Variants in SUPT3H observed in about 807,000 individuals in gnomAD.
SUPT3H encodes the protein SPT3 homolog, SAGA and STAGA complex component, also known as transcription initiation protein SPT3 homolog.
SUPT3H carries 44 observed loss-of-function variants against 44.3 expected under a neutral mutation model. The observed-to-expected ratio is 0.99, with a 90% CI of 0.78 to 1.28. SUPT3H has a LOEUF of 1.28. SUPT3H is among the 50% of genes most tolerant of loss of function. SUPT3H has a pLI of 0.00. For synonymous variants in SUPT3H, 124 were observed against 125.6 expected, an observed-to-expected ratio of 0.99 and a Z score of 0.09; for missense variants, 380 against 387.1, an observed-to-expected ratio of 0.98 and a Z score of 0.15.
chr6:45,283,431 C>T (rs183850886), intron 2 of SUPT3H, among the ~76,000 whole-genome samples: 1 of 152,140 alleles, frequency 6.6e-6, no homozygotes, highest in Non-Finnish European at 1.5e-5. Flanking sequence ...GCAGGGGTTG[C>T]AATCCTAGTA....
intron 3 of SUPT3H, among the ~76,000 whole-genome samples, chr6:45,089,940 A>C (rs1796933250): frequency 6.6e-6 from 1 of 152,076 alleles, no homozygotes; most frequent in Non-Finnish European, 1.5e-5. Flanking sequence ...TTTGAAATTC[A>C]ATGACCTTGA....
chr6:45,046,322 G>T (rs1204436719), intron 3 of SUPT3H, among the ~76,000 whole-genome samples: 5 of 150,882 alleles, frequency 3.3e-5, no homozygotes, highest in Non-Finnish European at 7.4e-5. Flanking sequence ...CACACTGCTT[G>T]TTTTTTTTTG....
At chr6:45,248,224 A>AT (rs1562788387) in intron 2 of SUPT3H, among the ~76,000 whole-genome samples, 1 of 137,702 alleles carries the variant, frequency 7.3e-6, no homozygotes, top group Non-Finnish European at 1.7e-5. Flanking sequence ...GATATATAAA[A>AT]GAAAAAATGA....
intron 2 of SUPT3H, among the ~76,000 whole-genome samples, chr6:45,341,907 C>CAA (rs1258423168): frequency 1.3e-5 from 2 of 151,982 alleles, no homozygotes; most frequent in Non-Finnish European, 2.9e-5. Context: ...TGAAGATAGA[C>CAA]AAAAGGTTCT....
intron 2 of SUPT3H, among the ~76,000 whole-genome samples, chr6:45,314,523 C>G (rs1417417730): frequency 1.3e-5 from 2 of 152,034 alleles, no homozygotes; most frequent in Non-Finnish European, 2.9e-5. Context: ...AAATCAATAA[C>G]TCAATCCCTT....
intron 2 of SUPT3H, among the ~76,000 whole-genome samples, chr6:45,306,465 T>C (rs1398661261): frequency 1.3e-5 from 2 of 152,072 alleles, no homozygotes; most frequent in African/African-American, 4.8e-5. Flanking sequence ...GCTTGAACCC[T>C]CACTGGTGCC....
chr6:45,182,019 T>G (rs892769285), intron 2 of SUPT3H, among the ~76,000 whole-genome samples: 5 of 152,110 alleles, frequency 3.3e-5, no homozygotes, highest in African/African-American at 1.2e-4. Context: ...AGCCCATCCT[T>G]TTTCTCTGAA....
chr6:45,234,877 C>T (rs1768797441), intron 2 of SUPT3H, among the ~76,000 whole-genome samples: 1 of 152,122 alleles, frequency 6.6e-6, no homozygotes, highest in Non-Finnish European at 1.5e-5. Context: ...TTAACACTCC[C>T]AAGTCCTTAA....
chr6:45,121,138 G>A (rs1482007912), intron 2 of SUPT3H, among the ~76,000 whole-genome samples: 1 of 152,052 alleles, frequency 6.6e-6, no homozygotes, highest in Non-Finnish European at 1.5e-5. Context: ...TTGATAAACA[G>A]AAAAATTCCA....
intron 1 of SUPT3H, among the ~76,000 whole-genome samples, chr6:45,366,717 T>A (rs918834887): frequency 1.4e-4 from 21 of 152,194 alleles, no homozygotes; most frequent in African/African-American, 4.1e-4. Flanking sequence ...ACTGATGACA[T>A]CACTACAACT....
At chr6:45,347,106 G>A (rs964557314) in intron 2 of SUPT3H, among the ~76,000 whole-genome samples, 4 of 152,112 alleles carry the variant, frequency 2.6e-5, no homozygotes, top group African/African-American at 7.2e-5. Context: ...ATATGTGTGA[G>A]TTTACTATCA....
At chr6:44,913,375 T>C (rs1034771232) in intron 10 of SUPT3H, among the ~76,000 whole-genome samples, 2 of 152,206 alleles carry the variant, frequency 1.3e-5, no homozygotes, top group African/African-American at 4.8e-5. Flanking sequence ...TCAGGAAACA[T>C]GTGAAGCCCC....
chr6:45,122,711 G>A (rs1358540834), intron 2 of SUPT3H, among the ~76,000 whole-genome samples: 3 of 152,094 alleles, frequency 2.0e-5, no homozygotes, highest in African/African-American at 7.2e-5. Context: ...TGGGAGTATT[G>A]TTGAAGAGAA....
chr6:44,864,378 C>T (rs553855177), intron 10 of SUPT3H, among the ~76,000 whole-genome samples: 41 of 152,326 alleles, frequency 2.7e-4, no homozygotes, highest in Middle Eastern at 3.4e-3. Flanking sequence ...ACCCTCTTCT[C>T]ACAGCTCCAC....
intron 2 of SUPT3H, among the ~76,000 whole-genome samples, chr6:45,107,942 C>T (rs1378680687): frequency 6.7e-6 from 1 of 149,224 alleles, no homozygotes; most frequent in Non-Finnish European, 1.5e-5. Context: ...AATGCTTAGT[C>T]ATTTTTGAAA....
chr6:44,961,898 T>G, intron 6 of SUPT3H, 70 bp from the exon 7 acceptor site: 3 of 1,235,082 alleles, frequency 2.4e-6, no homozygotes, highest in Non-Finnish European at 3.5e-6. Context: ...CAGCTTAAAC[T>G]TAGAATTGAA....
At chr6:45,055,319 A>G (rs2153538635) in intron 3 of SUPT3H, among the ~76,000 whole-genome samples, 1 of 152,336 alleles carries the variant, frequency 6.6e-6, no homozygotes, top group South Asian at 2.1e-4. Context: ...AGAAAAAACA[A>G]TCCTAAATTT....
intron 6 of SUPT3H, among the ~76,000 whole-genome samples, chr6:44,988,515 TAAATAAA>T: frequency 2.9e-5 from 1 of 34,128 alleles, no homozygotes; most frequent in African/African-American, 8.6e-5. Flanking sequence ...ATGAAAGGCT[TAAATAAA>T]AAAAAAAAAA....
intron 2 of SUPT3H, among the ~76,000 whole-genome samples, chr6:45,216,016 C>T (rs1764985927): frequency 1.3e-5 from 2 of 152,022 alleles, no homozygotes; most frequent in African/African-American, 4.8e-5. Flanking sequence ...TAAGATGATA[C>T]ATTGAAAGCG....
Sources: allele counts gnomAD v4.1 joint callset (sites outside exome capture counted in the v4.1 genomes callset), GRCh38; gene constraint gnomAD v4.1.1; transcripts MANE v1.5; gene names NCBI Gene and HGNC (gene_info 2026-07-23, HGNC 2026-07-21).